The following PATJ variants were observed in gnomAD, a reference collection of about 807,000 sequenced individuals.
PATJ encodes inaD-like protein.
Under a neutral mutation model 224.9 loss-of-function variants are expected in PATJ, and 190 were observed. That is an observed-to-expected ratio of 0.84 (90% CI 0.75 to 0.95). The LOEUF (loss-of-function observed/expected upper bound fraction) is 0.95. PATJ is among the 40% of genes least tolerant of loss of function. The pLI is 0.00. For missense variants in PATJ, 2,121 were observed against 2,270.3 expected, an observed-to-expected ratio of 0.93 and a Z score of 1.34; for synonymous variants, 769 against 820.3, an observed-to-expected ratio of 0.94 and a Z score of 1.07.
At chr1:61,943,404 C>A (rs1025324307) in intron 27 of PATJ, among the ~76,000 whole-genome samples, 1 of 152,214 alleles carries the variant, frequency 6.6e-6, no homozygotes, top group African/African-American at 2.4e-5. Context: ...TAATACTGCG[C>A]TTTTCCAACA....
chr1:61,896,420 C>G (rs1670374945), intron 22 of PATJ, among the ~76,000 whole-genome samples: 1 of 152,102 alleles, frequency 6.6e-6, no homozygotes, highest in African/African-American at 2.4e-5. Context: ...TTACCCAATG[C>G]CTGTACCCCC....
intron 14 of PATJ, among the ~76,000 whole-genome samples, chr1:61,818,637 T>A (rs979379091): frequency 2.7e-4 from 41 of 152,254 alleles, no homozygotes; most frequent in African/African-American, 8.9e-4. Flanking sequence ...ATCCTTCAGA[T>A]TGACAGATTT....
At chr1:61,779,940 G>A (rs1412613187) in intron 7 of PATJ, among the ~76,000 whole-genome samples, 1 of 152,066 alleles carries the variant, frequency 6.6e-6, no homozygotes, top group Admixed American at 6.6e-5. Context: ...AACAATCAGA[G>A]TGAGAACTCA....
At chr1:61,901,919 G>C (rs533533158) in intron 24 of PATJ, among the ~76,000 whole-genome samples, 1 of 152,090 alleles carries the variant, frequency 6.6e-6, no homozygotes, top group Non-Finnish European at 1.5e-5. Flanking sequence ...CTCTGTGGGC[G>C]CTAAGTTTTA....
At chr1:62,091,825 G>A (rs1001478263) in intron 33 of PATJ, among the ~76,000 whole-genome samples, 1 of 152,116 alleles carries the variant, frequency 6.6e-6, no homozygotes, top group East Asian at 1.9e-4. Flanking sequence ...GGAGGCCGAG[G>A]TGGGCGGATC....
intron 17 of PATJ, among the ~76,000 whole-genome samples, chr1:61,835,801 G>C (rs1660086367): frequency 6.6e-6 from 1 of 152,090 alleles, no homozygotes; most frequent in Non-Finnish European, 1.5e-5. Context: ...AAATTAACTG[G>C]AATTGAATGA....
chr1:61,782,393 T>G (rs1234662617), intron 7 of PATJ, among the ~76,000 whole-genome samples: 1 of 152,114 alleles, frequency 6.6e-6, no homozygotes, highest in Non-Finnish European at 1.5e-5. Context: ...TTAAGAAGGA[T>G]CTGAGACTTA....
At chr1:61,874,605 G>A (rs891581965) in intron 20 of PATJ, among the ~76,000 whole-genome samples, 22 of 152,178 alleles carry the variant, frequency 1.4e-4, no homozygotes, top group African/African-American at 4.3e-4. Context: ...TCACCTTGGG[G>A]GTTAGGATTT....
chr1:62,067,623 G>T (rs944475811), intron 31 of PATJ, among the ~76,000 whole-genome samples: 1 of 152,166 alleles, frequency 6.6e-6, no homozygotes, highest in African/African-American at 2.4e-5. Context: ...CAAGAAGCTA[G>T]ATCAAGTCAA....
At chr1:61,955,724 TATA>T (rs1350639716) in intron 27 of PATJ, among the ~76,000 whole-genome samples, 1 of 152,212 alleles carries the variant, frequency 6.6e-6, no homozygotes, top group Non-Finnish European at 1.5e-5. Context: ...CTTCAACACA[TATA>T]ATGTTATGAG....
At chr1:62,107,385 G>A (rs769722500) in intron 33 of PATJ, among the ~76,000 whole-genome samples, 9 of 151,708 alleles carry the variant, frequency 5.9e-5, no homozygotes, top group Admixed American at 4.6e-4. Context: ...AGCACTCTTC[G>A]GTTCTATTAA....
At chr1:61,799,064 T>C (rs752958374) in intron 11 of PATJ, among the ~76,000 whole-genome samples, 10 of 152,186 alleles carry the variant, frequency 6.6e-5, no homozygotes, top group Admixed American at 1.3e-4. Flanking sequence ...TTCTCTTTTA[T>C]GTGATAGTAG....
intron 30 of PATJ, among the ~76,000 whole-genome samples, chr1:62,049,360 T>C (rs188559463): frequency 4.2e-4 from 64 of 152,108 alleles, no homozygotes; most frequent in African/African-American, 1.4e-3. Flanking sequence ...TCCCTGACAT[T>C]ACCAATATTG....
chr1:61,991,142 CAG>C (rs1558003599), intron 28 of PATJ, among the ~76,000 whole-genome samples: 1 of 151,912 alleles, frequency 6.6e-6, no homozygotes, highest in East Asian at 1.9e-4. Flanking sequence ...AAGAAGAAAA[CAG>C]ACGTGAAAAG....
chr1:62,062,232 G>A (rs1387493877), intron 31 of PATJ, among the ~76,000 whole-genome samples: 1 of 151,626 alleles, frequency 6.6e-6, no homozygotes, highest in East Asian at 1.9e-4. Flanking sequence ...GAGTTCTTTT[G>A]TCTCCATAGC....
chr1:62,143,864 GGAA>G (rs1570791933), intron 41 of PATJ, among the ~76,000 whole-genome samples: 1 of 152,004 alleles, frequency 6.6e-6, no homozygotes. Context: ...AGAGATGAAT[GGAA>G]GAAGAGCAAA....
intron 16 of PATJ, among the ~76,000 whole-genome samples, chr1:61,830,116 A>G (rs1295256828): frequency 6.6e-6 from 1 of 152,176 alleles, no homozygotes; most frequent in African/African-American, 2.4e-5. Context: ...TTTCTACCCC[A>G]TAGTCTCTTG....
intron 7 of PATJ, among the ~76,000 whole-genome samples, chr1:61,783,839 C>T (rs1201908156): frequency 1.3e-5 from 2 of 151,220 alleles, no homozygotes; most frequent in African/African-American, 2.4e-5. Flanking sequence ...CCTCCACCTC[C>T]CAGGTTCAAG....
rs974783400 is a variant in PATJ at position 61,993,750 on chromosome 1, G to A, written c.3867+3386G>A. Among the ~76,000 whole-genome samples, 6 of 152,126 alleles carry A rather than the reference G, an allele frequency of 3.9e-5. No individual in the cohort carries two copies. The South Asian group carries it at 6.2e-4, about 16-fold the overall frequency. On this transcript the variant is annotated intron_variant, in intron 28 of 43. Transcript: ENST00000642238. The stretch of plus-strand genomic sequence containing the variant: ...GAAACTGCAAGCAGAGAACAAATAT[G>A]TATTTCTGATTATATCACAATAGCA...
Sources: allele counts gnomAD v4.1 joint callset (sites outside exome capture counted in the v4.1 genomes callset), GRCh38; gene constraint gnomAD v4.1.1; transcripts MANE v1.5; gene names NCBI Gene and HGNC (gene_info 2026-07-23, HGNC 2026-07-21).